ADGRL3: variants seen among roughly 807,000 people sequenced by gnomAD.
ADGRL3 encodes the protein adhesion G protein-coupled receptor L3.
ADGRL3 carries 62 observed loss-of-function variants against 153.5 expected under a neutral mutation model. That is an observed-to-expected ratio of 0.40 (90% confidence interval 0.33 to 0.50). The LOEUF (loss-of-function observed/expected upper bound fraction) is 0.50. Among genes scored for constraint, ADGRL3 ranks in the 20% least tolerant of loss-of-function variants. The pLI is 0.47. For synonymous variants in ADGRL3, 710 were observed against 672.5 expected, an observed-to-expected ratio of 1.06 and a Z score of -0.86; for missense variants, 1,641 against 1,859.4, an observed-to-expected ratio of 0.88 and a Z score of 2.16.
intron 1 of ADGRL3, among the ~76,000 whole-genome samples, chr4:61,381,728 G>A (rs568625793): frequency 1.3e-5 from 2 of 151,932 alleles, no homozygotes; most frequent in Admixed American, 6.6e-5. Context: ...GATGAGATAC[G>A]CCAGTTCTTC....
rs372734664 is a variant in ADGRL3, at chr4:61,958,884, G to C, written c.2805+10608G>C. ...TGAGAAGAGCCTGTCTCATCTACTT[G>C]TAACTTTTCTGAATTGCTACCATAA... On this transcript the variant is annotated intron_variant, in intron 17 of 26. Coordinates refer to ENST00000683033, the MANE Select transcript of ADGRL3 (RefSeq NM_001387552.1). 3.3e-5 allele frequency among the ~76,000 whole-genome samples: 5 copies of C among 152,200 alleles called. 1 individual carries two copies. The highest frequency in any genetic ancestry group is 1.2e-4 in the African/African-American group (5 of 41,544).
intron 9 of ADGRL3, among the ~76,000 whole-genome samples, chr4:61,825,484 AT>A (rs2097792196): frequency 6.6e-6 from 1 of 152,186 alleles, no homozygotes; most frequent in Non-Finnish European, 1.5e-5. Context: ...AGTTTTCAAT[AT>A]TTTTATCCTC....
intron 6 of ADGRL3, among the ~76,000 whole-genome samples, chr4:61,695,587 A>G (rs1321580805): frequency 1.3e-5 from 2 of 152,142 alleles, no homozygotes; most frequent in Non-Finnish European, 2.9e-5. Context: ...AAGAATAGTA[A>G]ATGGGCACTG....
intron 5 of ADGRL3, among the ~76,000 whole-genome samples, chr4:61,608,223 C>G (rs1408867335): frequency 6.6e-6 from 1 of 152,178 alleles, no homozygotes; most frequent in Non-Finnish European, 1.5e-5. Flanking sequence ...TTTTCATACT[C>G]CCAATCTTGT....
chr4:61,290,382 T>A (rs1022951408), intron 1 of ADGRL3, among the ~76,000 whole-genome samples: 4 of 152,160 alleles, frequency 2.6e-5, no homozygotes, highest in African/African-American at 9.6e-5. Flanking sequence ...CATTGTCATA[T>A]CATTACAAAC....
chr4:61,337,701 G>A (rs1050270523), intron 1 of ADGRL3, among the ~76,000 whole-genome samples: 3 of 152,242 alleles, frequency 2.0e-5, no homozygotes, highest in Admixed American at 6.5e-5. Context: ...TATGCTTCAC[G>A]TGTATTTTCT....
chr4:61,237,762 AG>A (rs1347101681), intron 1 of ADGRL3, among the ~76,000 whole-genome samples: 1 of 152,200 alleles, frequency 6.6e-6, no homozygotes, highest in Non-Finnish European at 1.5e-5. Context: ...AAAATCTGGT[AG>A]GTAATCACAT....
chr4:61,279,415 T>G (rs1028579699), intron 1 of ADGRL3, among the ~76,000 whole-genome samples: 1 of 152,170 alleles, frequency 6.6e-6, no homozygotes, highest in Non-Finnish European at 1.5e-5. Context: ...CATTCATCCA[T>G]TCAAAATATG....
intron 17 of ADGRL3, among the ~76,000 whole-genome samples, chr4:61,949,429 G>A (rs942665316): frequency 4.6e-5 from 7 of 152,250 alleles, no homozygotes; most frequent in Admixed American, 4.6e-4. Context: ...CGGGCATGGT[G>A]GCTCATGCCT....
At chr4:61,569,132 T>C (rs2098828309) in intron 4 of ADGRL3, among the ~76,000 whole-genome samples, 1 of 152,202 alleles carries the variant, frequency 6.6e-6, no homozygotes, top group Admixed American at 6.6e-5. Context: ...ATTTCTTAGC[T>C]ATAAAGTCAT....
intron 22 of ADGRL3, among the ~76,000 whole-genome samples, chr4:62,031,049 A>G (rs577307566): frequency 6.6e-6 from 1 of 151,584 alleles, no homozygotes; most frequent in Non-Finnish European, 1.5e-5. Flanking sequence ...CAGAAGAAGC[A>G]CTAATAGAGG....
intron 8 of ADGRL3, among the ~76,000 whole-genome samples, chr4:61,766,115 T>C (rs2096975644): frequency 6.6e-6 from 1 of 151,910 alleles, no homozygotes; most frequent in African/African-American, 2.4e-5. Context: ...TAATGTCAGG[T>C]GGATCAGAGA....
intron 11 of ADGRL3, among the ~76,000 whole-genome samples, chr4:61,907,860 C>T (rs1368727362): frequency 6.6e-6 from 1 of 152,106 alleles, no homozygotes; most frequent in African/African-American, 2.4e-5. Context: ...TTCCCTTAAC[C>T]ATAAATATCT....
At chr4:61,857,820 C>T (rs1353338592) in intron 9 of ADGRL3, among the ~76,000 whole-genome samples, 1 of 152,050 alleles carries the variant, frequency 6.6e-6, no homozygotes, top group Non-Finnish European at 1.5e-5. Context: ...TCAAGCAATC[C>T]TCTCGCCTCA....
In ADGRL3 at chr4:61,935,285, C is replaced by T. The variant is rs183526916; in HGVS notation, c.2296+262C>T. On this transcript the variant is annotated intron_variant, in intron 14 of 26. Coordinates refer to ENST00000683033, the MANE Select transcript of ADGRL3 (RefSeq NM_001387552.1). Reference sequence around the variant, plus strand: ...GCCTGAGATCACTTACAGTGAGGTTCGTTTTTTTAAAGGACTTTTATGTAT... The same window carrying T: ...GCCTGAGATCACTTACAGTGAGGTTTGTTTTTTTAAAGGACTTTTATGTAT... Among the ~76,000 whole-genome samples the T allele has an allele frequency of 3.6e-3, 542 of 152,080 alleles. 2 individuals are homozygous for T. Among genetic ancestry groups the T allele is most frequent in the South Asian group, 0.013 (61 of 4,810 alleles).
Position 61,473,683 on chromosome 4 carries a change from C to T in ADGRL3, c.-173-23438C>T, listed in dbSNP as rs144847736. On this transcript the variant is annotated intron_variant, in intron 2 of 26. Transcript: ENST00000683033. ...ACTAAGAGCTTAATAAGTATTTACT[C>T]CTATTATCTGTTTTATCTAGAAAAA... Among the ~76,000 whole-genome samples, 1,389 of 151,986 alleles carry T rather than the reference C, an allele frequency of 9.1e-3. 22 individuals are homozygous for T. The highest frequency in any genetic ancestry group is 0.032 in the African/African-American group (1,315 of 41,464).
intron 3 of ADGRL3, among the ~76,000 whole-genome samples, chr4:61,505,463 G>A (rs2098422009): frequency 1.3e-5 from 2 of 152,116 alleles, no homozygotes; most frequent in South Asian, 4.1e-4. Context: ...GTATACTGGT[G>A]AATTGTATAC....
Position 61,777,755 on chromosome 4 carries a change from A to G in ADGRL3, c.1400-36054A>G, listed in dbSNP as rs535192515. Among the ~76,000 whole-genome samples, 22 of 152,230 alleles carry G rather than the reference A, an allele frequency of 1.4e-4. No homozygotes were observed. In the South Asian group the frequency reaches 1.7e-3, roughly 11 times the overall value. The stretch of plus-strand genomic sequence containing the variant: ...AGAAGAGCCTTACTCTATTTCTAGT[A>G]TTTATTATTTATTTATTTATTTGCT... On this transcript the variant is annotated intron_variant, in intron 8 of 26. Coordinates refer to ENST00000683033, the MANE Select transcript of ADGRL3 (RefSeq NM_001387552.1).
In ADGRL3 at chr4:61,587,233, G is replaced by T. The variant is rs1425255521; in HGVS notation, c.266G>T (p.Ser89Ile). 2 of 1,602,664 alleles carry T rather than the reference G, an allele frequency of 1.2e-6. No homozygotes were observed. The highest frequency in any genetic ancestry group is 2.2e-5 in the South Asian group (2 of 89,314). The change falls in exon 5 of 27, where the codon AGC (serine) becomes ATC (isoleucine). Residue 89 changes from serine to isoleucine, a missense_variant. Physicochemically the swap from Ser to Ile is moderately radical, Grantham distance 142. Around this residue, in one of 5 missense-constraint regions of ADGRL3, gnomAD observed 145 missense variants for 79.1 expected, o/e 1.83. Coordinates refer to ENST00000683033, the MANE Select transcript of ADGRL3 (RefSeq NM_001387552.1). ...QGAQIAAQAF[S>I]RAPIPMAVVR... ...TTCCTCTTCCTTTTGGCAGCTTTCA[G>T]CCGTGCCCCAATTCCAATGGCTGTG...
Sources: gnomAD v4.1 joint callset for allele counts (sites outside exome capture counted in the v4.1 genomes callset) on GRCh38, gnomAD v4.1.1 for gene constraint, gnomAD v4.1.1 regional missense constraint, MANE v1.5 for transcripts, NCBI Gene and HGNC (gene_info 2026-07-23, HGNC 2026-07-21) for gene names.